Variants in SLC30A9 observed in about 807,000 individuals in gnomAD.
SLC30A9 encodes solute carrier family 30 member 9.
A neutral mutation model predicts 87.5 loss-of-function variants in SLC30A9; 58 were observed. The ratio of observed to expected loss-of-function variants is 0.66; its 90% CI spans 0.54 to 0.82. The LOEUF (loss-of-function observed/expected upper bound fraction) is 0.82, where lower values mean the gene tolerates loss of function less well. Among genes scored for constraint, SLC30A9 ranks in the 40% least tolerant of loss-of-function variants. SLC30A9 has a pLI of 0.00. For synonymous variants in SLC30A9, 234 were observed against 233.0 expected, an observed-to-expected ratio of 1.00 and a Z score of -0.04; for missense variants, 557 against 679.1, an observed-to-expected ratio of 0.82 and a Z score of 2.00.
intron 2 of SLC30A9, among the ~76,000 whole-genome samples, chr4:42,015,990 C>T (rs893326235): frequency 3.3e-5 from 5 of 152,014 alleles, no homozygotes; most frequent in African/African-American, 9.7e-5. Context: ...ATACTAGCTG[C>T]GTGACTTTGG....
At chr4:42,008,556 G>T (rs1715311033) in intron 2 of SLC30A9, among the ~76,000 whole-genome samples, 1 of 152,138 alleles carries the variant, frequency 6.6e-6, no homozygotes, top group African/African-American at 2.4e-5. Flanking sequence ...GTCTGTTTGG[G>T]ACAGTGCAGG....
intron 2 of SLC30A9, among the ~76,000 whole-genome samples, chr4:42,014,672 G>C (rs1715626481): frequency 6.6e-6 from 1 of 152,064 alleles, no homozygotes. Context: ...ATCAGCAAAT[G>C]AATGGATAAA....
At position 42,067,081 on chromosome 4, in the gene SLC30A9, C is replaced by A. The variant is rs74654874; in HGVS notation, c.1145-4C>A. 1,702 of 1,571,244 alleles carry A rather than the reference C, an allele frequency of 1.1e-3. 16 individuals are homozygous for A. In the African/African-American group the frequency reaches 0.02, roughly 18 times the overall value. On this transcript the variant is annotated splice_polypyrimidine_tract_variant and splice_region_variant and intron_variant, in intron 13 of 17. Coordinates refer to ENST00000264451, the MANE Select transcript of SLC30A9 (RefSeq NM_006345.4). ...TCTTGTCTTGTCTCTTCCCCAATGACTAGTAATGGAAAGTCGTGATCCTAG... is the reference window on the plus strand; with the variant it reads ...TCTTGTCTTGTCTCTTCCCCAATGAATAGTAATGGAAAGTCGTGATCCTAG...
chr4:42,009,284 A>T (rs948030523), intron 2 of SLC30A9, among the ~76,000 whole-genome samples: 1 of 152,210 alleles, frequency 6.6e-6, no homozygotes, highest in African/African-American at 2.4e-5. Flanking sequence ...AGACCTTGTT[A>T]GCCATCAGAC....
chr4:42,036,777 G>A (rs1294862330), intron 7 of SLC30A9, among the ~76,000 whole-genome samples: 1 of 152,112 alleles, frequency 6.6e-6, no homozygotes. Flanking sequence ...TGGCACCCCA[G>A]TACTGCCCTG....
chr4:42,039,665 G>A (rs898161795), intron 8 of SLC30A9, among the ~76,000 whole-genome samples: 18 of 151,920 alleles, frequency 1.2e-4, no homozygotes, highest in African/African-American at 3.4e-4. Context: ...GTTTCACTAC[G>A]TTGGCCAGGA....
rs1156240656 is a variant in SLC30A9, at chr4:41,990,545, G to A, written c.-107G>A. On this transcript the variant is annotated 5_prime_UTR_variant, in exon 1 of 18. Transcript: ENST00000264451. ...CGGGTCACCCAGGCAGCTTGTGGCG[G>A]CGAAGCCATCGGTGTTCGCTGATGT... is the stretch of plus-strand genomic sequence containing the variant. 9 of 624,904 alleles carry A rather than the reference G, an allele frequency of 1.4e-5. No individual in the cohort carries two copies. Among genetic ancestry groups the A allele is most frequent in the Non-Finnish European group, 2.1e-5 (8 of 372,212 alleles). The allele number at this position is 624,904 out of a possible 1,614,324, so 38.7% of individuals were successfully genotyped here. A position where few individuals can be genotyped will look rare whatever the true frequency, so the allele number is the denominator to read the frequency against.
At chr4:42,034,946 T>C (rs370459193) in intron 6 of SLC30A9, among the ~76,000 whole-genome samples, 1 of 152,200 alleles carries the variant, frequency 6.6e-6, no homozygotes, top group East Asian at 1.9e-4. Context: ...TGTTATTTTC[T>C]GTTTCTTGTT....
chr4:42,021,474 A>G (rs1332431615), intron 4 of SLC30A9, among the ~76,000 whole-genome samples: 1 of 152,174 alleles, frequency 6.6e-6, no homozygotes, highest in East Asian at 1.9e-4. Context: ...AGATTGTTTC[A>G]TTGCTTTAAC....
chr4:42,082,574 G>A (rs1207251390), intron 17 of SLC30A9, among the ~76,000 whole-genome samples: 3 of 152,288 alleles, frequency 2.0e-5, no homozygotes, highest in East Asian at 1.9e-4. Flanking sequence ...GTGGCTGGGC[G>A]CAGTGGCTCA....
In SLC30A9 at chr4:42,066,562, T is replaced by C; in HGVS notation, c.1085T>C (p.Val362Ala). The change falls in exon 13 of 18, where the codon GTT (valine) becomes GCT (alanine). Residue 362 changes from valine to alanine, a missense_variant. Around this residue, in one of 2 missense-constraint regions of SLC30A9, gnomAD observed 467 missense variants for 529.8 expected, o/e 0.88. Transcript: ENST00000264451. ...SLVSEGATLL[V>A]AVNELRRNAR... ...GCTTTTCTTTTAGCAACACTTCTTG[T>C]TGCTGTAAATGAACTTCGTAGGAAT... 1 of 1,603,654 alleles carries C rather than the reference T, an allele frequency of 6.2e-7. No homozygotes were observed. Among genetic ancestry groups the C allele is most frequent in the Non-Finnish European group, 8.5e-7 (1 of 1,173,458 alleles).
chr4:42,080,743 G>A (rs1052422869), intron 17 of SLC30A9, among the ~76,000 whole-genome samples: 2 of 152,184 alleles, frequency 1.3e-5, no homozygotes, highest in Admixed American at 6.5e-5. Context: ...CGGTTATGGA[G>A]AACAAAAGCC....
intron 7 of SLC30A9, among the ~76,000 whole-genome samples, chr4:42,038,223 T>C (rs1020139310): frequency 6.6e-6 from 1 of 152,186 alleles, no homozygotes; most frequent in Admixed American, 6.5e-5. Context: ...CCAACACATC[T>C]TCCCGTTTTC....
At chr4:42,080,122 A>G (rs1232547848) in intron 17 of SLC30A9, among the ~76,000 whole-genome samples, 1 of 152,128 alleles carries the variant, frequency 6.6e-6, no homozygotes, top group Non-Finnish European at 1.5e-5. Context: ...TAGCCTTTTG[A>G]GATAATTGTG....
intron 1 of SLC30A9, among the ~76,000 whole-genome samples, chr4:42,000,431 T>C (rs1408521489): frequency 2.0e-5 from 3 of 152,066 alleles, no homozygotes; most frequent in African/African-American, 7.2e-5. Context: ...TGTGTAGGAA[T>C]CTTCTGCTGT....
At chr4:42,018,378 T>A (rs917772591) in intron 3 of SLC30A9, 1 of 1,261,834 alleles carries the variant, frequency 7.9e-7, no homozygotes, top group Non-Finnish European at 1.1e-6. Context: ...TGTCACAAAT[T>A]TTTTCAAAAG....
intron 6 of SLC30A9, among the ~76,000 whole-genome samples, chr4:42,034,989 G>A (rs1031085841): frequency 6.6e-6 from 1 of 152,022 alleles, no homozygotes; most frequent in Non-Finnish European, 1.5e-5. Flanking sequence ...TGGATGTGAG[G>A]TGATATCTCA....
rs1213566570 is a variant in SLC30A9, at chr4:42,023,290, G to A, written c.528-12G>A. ...AAATTGTTCATTGTGGTGACCATGTGTGTATGCACAGATCTTTGGAAGTTT... is the reference window on the plus strand; with the variant it reads ...AAATTGTTCATTGTGGTGACCATGTATGTATGCACAGATCTTTGGAAGTTT... On this transcript the variant is annotated splice_polypyrimidine_tract_variant and intron_variant, in intron 5 of 17. Coordinates refer to ENST00000264451, the MANE Select transcript of SLC30A9 (RefSeq NM_006345.4). 1.3e-6 allele frequency: 2 copies of A among 1,591,332 alleles called. No individual in the cohort carries two copies. The highest frequency in any genetic ancestry group is 1.7e-6 in the Non-Finnish European group (2 of 1,159,256).
At chr4:42,029,806 C>CT in intron 6 of SLC30A9, 1 of 730,704 alleles carries the variant, frequency 1.4e-6, no homozygotes, top group Non-Finnish European at 2.6e-6. Flanking sequence ...TCCTTGGAGA[C>CT]TTACCCAGTG....
Sources: gnomAD v4.1 joint callset for allele counts (sites outside exome capture counted in the v4.1 genomes callset) on GRCh38, gnomAD v4.1.1 for gene constraint, gnomAD v4.1.1 regional missense constraint, MANE v1.5 for transcripts, NCBI Gene and HGNC (gene_info 2026-07-23, HGNC 2026-07-21) for gene names.